The following RARB variants were observed in gnomAD, a reference collection of about 807,000 sequenced individuals.
RARB encodes the protein HBV-activated protein.
In RARB, 17 loss-of-function variants were observed where a neutral mutation model predicts 51.9. The observed-to-expected ratio is 0.33, with a 90% CI of 0.22 to 0.49. RARB has a LOEUF of 0.49. Ranked by LOEUF, RARB falls within the 20% of genes least tolerant of loss-of-function variation. The probability of loss-of-function intolerance (pLI) is 0.99; values close to 1 mark genes in which losing one functional copy is unlikely to be tolerated. For synonymous variants in RARB, 215 were observed against 195.4 expected (o/e 1.10, Z -0.84); for missense variants, 369 against 550.8 (o/e 0.67, Z 3.30).
At chr3:25,570,342 G>C (rs143791234) in intron 4 of RARB, among the ~76,000 whole-genome samples, 209 of 152,268 alleles carry the variant, frequency 1.4e-3, no homozygotes, top group African/African-American at 4.8e-3. Flanking sequence ...CAGGGGGACG[G>C]GGCCTGATCT....
chr3:25,540,331 A>G (rs1001475348), intron 3 of RARB, among the ~76,000 whole-genome samples: 1 of 152,038 alleles, frequency 6.6e-6, no homozygotes, highest in Non-Finnish European at 1.5e-5. Flanking sequence ...TAATCTTCCT[A>G]GTTAATTTGA....
Position 25,307,533 on chromosome 3 carries a change from A to G in RARB, c.178+132958A>G, listed in dbSNP as rs187611535. The stretch of plus-strand genomic sequence containing the variant: ...CTGGTCACAGTTTTTGTTTTCCAAC[A>G]GTGAGCCAGGTTTGAAGGTTATGCA... On this transcript the variant is annotated intron_variant, in intron 5 of 11. Coordinates refer to the RARB transcript ENST00000383772. Among the ~76,000 whole-genome samples the G allele has an allele frequency of 5.9e-5, 9 of 152,322 alleles. No individual in the cohort carries two copies. The East Asian group carries it at 1.7e-3, about 29-fold the overall frequency.
chr3:25,501,105 ATTGAT>A lies in RARB; in HGVS notation c.307-76_307-72del. 3 of 1,483,552 alleles carry A rather than the reference ATTGAT, an allele frequency of 2.0e-6. No homozygotes were observed. In the East Asian group the frequency reaches 7.4e-5, roughly 37 times the overall value. 91.9% of individuals were successfully genotyped at this position (1,483,552 alleles called of 1,614,324 possible). A position where few individuals can be genotyped will look rare whatever the true frequency, so the allele number is the denominator to read the frequency against. ...GTTACTCAAAAAGAGCAATTAATGC[ATTGAT>A]AAGGTTGGCTTTGATTTCTGATGAA... On this transcript the variant is annotated intron_variant, in intron 2 of 7. Transcript: ENST00000330688.
In RARB at chr3:25,124,369, C is replaced by G. The variant is rs73143418; in HGVS notation, c.-327-7792C>G. Reference sequence around the variant, plus strand: ...AGCCTGAGTGACAGACTGAGACTGTCTCAAAAAGAAAGAAATTGTGGATAC... The same window carrying G: ...AGCCTGAGTGACAGACTGAGACTGTGTCAAAAAGAAAGAAATTGTGGATAC... On this transcript the variant is annotated intron_variant, in intron 3 of 11. Transcript: ENST00000383772. 9.0e-3 allele frequency among the ~76,000 whole-genome samples: 1,378 copies of G among 152,270 alleles called. 17 individuals carry two copies. The highest frequency in any genetic ancestry group is 0.031 in the African/African-American group (1,299 of 41,548).
chr3:25,039,643 T>A (rs1349109295), intron 2 of RARB, among the ~76,000 whole-genome samples: 1 of 152,206 alleles, frequency 6.6e-6, no homozygotes, highest in Non-Finnish European at 1.5e-5. Flanking sequence ...CATTTGGGGA[T>A]GAAAGTTGAG....
At chr3:25,574,544 C>T (rs973112175) in intron 4 of RARB, among the ~76,000 whole-genome samples, 2 of 152,204 alleles carry the variant, frequency 1.3e-5, no homozygotes, top group Non-Finnish European at 2.9e-5. Flanking sequence ...ACCCCCAGCT[C>T]GTGCTGTCTG....
chr3:25,205,165 G>A (rs1047741982), intron 5 of RARB, among the ~76,000 whole-genome samples: 2 of 152,154 alleles, frequency 1.3e-5, no homozygotes, highest in African/African-American at 2.4e-5. Context: ...CTTGCAGTTT[G>A]ATCTCAGACT....
chr3:25,587,619 C>G (rs1282042122), intron 5 of RARB, among the ~76,000 whole-genome samples: 4 of 152,162 alleles, frequency 2.6e-5, no homozygotes, highest in Non-Finnish European at 5.9e-5. Context: ...GTATTTTCTC[C>G]TCGGTTAAGG....
At chr3:25,273,831 C>G (rs1263385208) in intron 5 of RARB, among the ~76,000 whole-genome samples, 1 of 152,214 alleles carries the variant, frequency 6.6e-6, no homozygotes, top group African/African-American at 2.4e-5. Flanking sequence ...CACCACCTAA[C>G]ATCAAGGCAT....
chr3:25,482,103 A>G (rs1427257197), intron 2 of RARB, among the ~76,000 whole-genome samples: 1 of 152,178 alleles, frequency 6.6e-6, no homozygotes, highest in Non-Finnish European at 1.5e-5. Context: ...CTCTGCTTTC[A>G]GCTCCCTTTT....
intron 3 of RARB, among the ~76,000 whole-genome samples, chr3:25,523,850 G>T (rs1023597633): frequency 1.6e-4 from 24 of 152,042 alleles, no homozygotes; most frequent in Non-Finnish European, 3.2e-4. Context: ...TTGTTCACAG[G>T]ACCTATTAGT....
At chr3:25,086,904 T>G (rs1029120291) in intron 3 of RARB, among the ~76,000 whole-genome samples, 4 of 152,146 alleles carry the variant, frequency 2.6e-5, no homozygotes, top group Non-Finnish European at 5.9e-5. Flanking sequence ...TGAATGTTTC[T>G]TATCAGACTT....
intron 5 of RARB, among the ~76,000 whole-genome samples, chr3:25,314,304 A>G (rs1704364324): frequency 6.6e-6 from 1 of 152,142 alleles, no homozygotes; most frequent in Non-Finnish European, 1.5e-5. Context: ...CAGAAATATA[A>G]TTGTCTTTCC....
chr3:24,971,296 C>G lies in RARB; in HGVS notation c.-379-88829C>G, dbSNP rs115365900. On this transcript the variant is annotated intron_variant, in intron 2 of 11. Transcript: ENST00000383772. ...GAGGCTAGGAGGTTAGTCATTTAAT[C>G]CTTAGCTATTTACTTTTTCCTTGAT... Among the ~76,000 whole-genome samples the G allele has an allele frequency of 3.7e-3, 568 of 152,010 alleles. 4 individuals are homozygous for G. The highest frequency in any genetic ancestry group is 0.013 in the African/African-American group (547 of 41,500).
chr3:24,872,671 A>G (rs1319929388), intron 2 of RARB, among the ~76,000 whole-genome samples: 1 of 151,986 alleles, frequency 6.6e-6, no homozygotes, highest in Non-Finnish European at 1.5e-5. Flanking sequence ...GAACTTCCTC[A>G]TTACCACAGG....
intron 2 of RARB, among the ~76,000 whole-genome samples, chr3:25,005,842 T>C (rs538451123): frequency 1.3e-5 from 2 of 152,148 alleles, no homozygotes; most frequent in Non-Finnish European, 2.9e-5. Context: ...TGAAAACTTT[T>C]CAATGGTTTT....
intron 3 of RARB, among the ~76,000 whole-genome samples, chr3:25,116,235 C>A (rs1429917386): frequency 6.6e-6 from 1 of 152,134 alleles, no homozygotes; most frequent in Admixed American, 6.6e-5. Context: ...ACCCAGGAGT[C>A]CCCTTTCCCC....
intron 2 of RARB, among the ~76,000 whole-genome samples, chr3:25,022,051 T>A (rs1288957568): frequency 6.6e-6 from 1 of 152,174 alleles, no homozygotes; most frequent in Non-Finnish European, 1.5e-5. Context: ...CACAAGTAGG[T>A]GGTAAAATCC....
intron 5 of RARB, among the ~76,000 whole-genome samples, chr3:25,592,435 C>A (rs759318686): frequency 6.1e-4 from 93 of 152,318 alleles, no homozygotes; most frequent in Non-Finnish European, 1.1e-3. Context: ...GAAACCTGGT[C>A]AGCAGAGACC....
Sources: allele counts gnomAD v4.1 joint callset (sites outside exome capture counted in the v4.1 genomes callset), GRCh38; gene constraint gnomAD v4.1.1; transcripts MANE v1.5; gene names NCBI Gene and HGNC (gene_info 2026-07-23, HGNC 2026-07-21).